C1orf21: variants seen among roughly 807,000 people sequenced by gnomAD.
C1orf21 encodes uncharacterized protein C1orf21.
A neutral mutation model predicts 18.7 loss-of-function variants in C1orf21; 3 were observed. The observed-to-expected ratio is 0.16, with a 90% CI of 0.07 to 0.42. The LOEUF (loss-of-function observed/expected upper bound fraction) is 0.42, where lower values mean the gene tolerates loss of function less well. Among genes scored for constraint, C1orf21 ranks in the 10% least tolerant of loss-of-function variants. The pLI is 0.99. For synonymous variants in C1orf21, 41 were observed against 46.4 expected (o/e 0.88, Z 0.47); for missense variants, 104 against 143.6 (o/e 0.72, Z 1.41).
Position 184,619,630 on chromosome 1 carries a change from G to A in C1orf21, c.*74G>A. 1 of 1,454,642 alleles carries A rather than the reference G, an allele frequency of 6.9e-7. No individual in the cohort carries two copies. The highest frequency in any genetic ancestry group is 9.5e-7 in the Non-Finnish European group (1 of 1,049,924). 90.1% of individuals were successfully genotyped at this position (1,454,642 alleles called of 1,614,324 possible). On this transcript the variant is annotated 3_prime_UTR_variant, in exon 6 of 6. Coordinates refer to ENST00000235307, the MANE Select transcript of C1orf21 (RefSeq NM_030806.4). ...ACACCCCAGTTGAAATCTTTGCAAA[G>A]GTCGGTTCTATTCAGCGAACAGCAC...
At chr1:184,549,848 A>G (rs768145065) in intron 3 of C1orf21, among the ~76,000 whole-genome samples, 40 of 152,136 alleles carry the variant, frequency 2.6e-4, no homozygotes, top group Non-Finnish European at 4.8e-4. Context: ...TAATGTATAA[A>G]TGTTTTTATA....
chr1:184,396,676 C>T (rs763405409), intron 1 of C1orf21, among the ~76,000 whole-genome samples: 2 of 152,116 alleles, frequency 1.3e-5, no homozygotes, highest in African/African-American at 2.4e-5. Flanking sequence ...ATCATTTTCT[C>T]GGAATCATTC....
At chr1:184,596,466 C>T (rs573095991) in intron 4 of C1orf21, among the ~76,000 whole-genome samples, 6 of 152,168 alleles carry the variant, frequency 3.9e-5, no homozygotes, top group South Asian at 2.1e-4. Flanking sequence ...CCACAATGAA[C>T]GTCAAATCCT....
rs1341043813 is a variant in C1orf21 at position 184,626,843 on chromosome 1, A to G, written c.*7287A>G. ...GGTCAGCATGACCTTCTTTAGAGCC[A>G]CTAAGGCGAAAAATACCGTTTGGGA... is the stretch of plus-strand genomic sequence containing the variant. On this transcript the variant is annotated 3_prime_UTR_variant, in exon 6 of 6. Coordinates refer to ENST00000235307, the MANE Select transcript of C1orf21 (RefSeq NM_030806.4). 1 of 152,582 alleles carries G rather than the reference A, an allele frequency of 6.6e-6. No homozygotes were observed. The highest frequency in any genetic ancestry group is 2.1e-4 in the South Asian group (1 of 4,830). 9.5% of individuals were successfully genotyped at this position (152,582 alleles called of 1,614,324 possible).
intron 3 of C1orf21, among the ~76,000 whole-genome samples, chr1:184,515,326 T>A (rs920694459): frequency 6.6e-6 from 1 of 152,176 alleles, no homozygotes; most frequent in African/African-American, 2.4e-5. Flanking sequence ...GAGATAACAA[T>A]AATAAAAGTC....
chr1:184,503,068 A>G (rs760102616), intron 2 of C1orf21, among the ~76,000 whole-genome samples: 262 of 136,716 alleles, frequency 1.9e-3, no homozygotes, highest in Non-Finnish European at 3.2e-3. Context: ...ACAGGGTAAG[A>G]AACTGTCTCA....
intron 5 of C1orf21, among the ~76,000 whole-genome samples, chr1:184,598,958 G>A (rs1571296307): frequency 6.6e-6 from 1 of 152,330 alleles, no homozygotes; most frequent in Non-Finnish European, 1.5e-5. Context: ...GAATGCTTGA[G>A]TAATTTACCC....
At chr1:184,428,919 C>G (rs977214338) in intron 1 of C1orf21, among the ~76,000 whole-genome samples, 2 of 152,112 alleles carry the variant, frequency 1.3e-5, no homozygotes, top group Non-Finnish European at 2.9e-5. Context: ...AGGATCTGGT[C>G]AGGAAAATGG....
At chr1:184,569,616 G>C in intron 3 of C1orf21, among the ~76,000 whole-genome samples, 1 of 152,168 alleles carries the variant, frequency 6.6e-6, no homozygotes, top group South Asian at 2.1e-4. Flanking sequence ...AAGCTACTTG[G>C]GAGGCCAAGG....
chr1:184,402,190 A>G (rs987174515), intron 1 of C1orf21, among the ~76,000 whole-genome samples: 2 of 152,224 alleles, frequency 1.3e-5, no homozygotes, highest in Non-Finnish European at 2.9e-5. Context: ...CAGTAGCCAC[A>G]TATGGTTAAT....
intron 3 of C1orf21, among the ~76,000 whole-genome samples, chr1:184,516,592 C>G (rs930980101): frequency 6.6e-6 from 1 of 152,182 alleles, no homozygotes; most frequent in Admixed American, 6.5e-5. Flanking sequence ...CAAGGAGGAG[C>G]AAGTCCCATC....
At chr1:184,411,282 A>G (rs6424951) in intron 1 of C1orf21, among the ~76,000 whole-genome samples, 13,987 of 152,108 alleles carry the variant, frequency 0.092, 1,963 homozygotes, top group African/African-American at 0.3. Context: ...ATAATTAAGA[A>G]TATTTATTTG....
At chr1:184,473,342 C>A (rs1657522226) in intron 1 of C1orf21, among the ~76,000 whole-genome samples, 1 of 152,148 alleles carries the variant, frequency 6.6e-6, no homozygotes, top group African/African-American at 2.4e-5. Context: ...GTCGTGGTCT[C>A]TGCATGCTTG....
chr1:184,438,303 C>T (rs956641128), intron 1 of C1orf21, among the ~76,000 whole-genome samples: 3 of 152,024 alleles, frequency 2.0e-5, no homozygotes, highest in Non-Finnish European at 4.4e-5. Context: ...AATTTTCATT[C>T]TCCAGTTATA....
chr1:184,429,003 C>T (rs1656688966), intron 1 of C1orf21, among the ~76,000 whole-genome samples: 1 of 152,166 alleles, frequency 6.6e-6, no homozygotes, highest in Non-Finnish European at 1.5e-5. Flanking sequence ...TCTGATCCTA[C>T]CCCTGGCTCC....
At chr1:184,401,736 AAATAC>A (rs1656155428) in intron 1 of C1orf21, among the ~76,000 whole-genome samples, 1 of 151,928 alleles carries the variant, frequency 6.6e-6, no homozygotes, top group African/African-American at 2.4e-5. Context: ...AGACATATGT[AAATAC>A]AATACATGTG....
chr1:184,527,270 C>A (rs1571399531), intron 3 of C1orf21, among the ~76,000 whole-genome samples: 1 of 152,124 alleles, frequency 6.6e-6, no homozygotes, highest in Non-Finnish European at 1.5e-5. Context: ...AGTGTGGCAG[C>A]TATGCTTAGA....
chr1:184,623,784 T>C lies in C1orf21; in HGVS notation c.*4228T>C, dbSNP rs532835921. The stretch of plus-strand genomic sequence containing the variant: ...CTTGACTTTGGCAGTCACCTTTTTG[T>C]ATGTCTCTAGAAAGGGGTCAAAAAA... On this transcript the variant is annotated 3_prime_UTR_variant, in exon 6 of 6. Coordinates refer to ENST00000235307, the MANE Select transcript of C1orf21 (RefSeq NM_030806.4). 6.5e-5 allele frequency: 10 copies of C among 152,732 alleles called. No individual in the cohort carries two copies. The highest frequency in any genetic ancestry group is 2.2e-4 in the African/African-American group (9 of 41,552). The allele number at this position is 152,732 out of a possible 1,614,324, so 9.5% of individuals were successfully genotyped here.
At chr1:184,498,165 C>T (rs1009783334) in intron 2 of C1orf21, among the ~76,000 whole-genome samples, 3 of 152,202 alleles carry the variant, frequency 2.0e-5, no homozygotes, top group African/African-American at 7.2e-5. Context: ...ACTAGCCCAT[C>T]TGGCCAAAGG....
Sources: allele counts gnomAD v4.1 joint callset (sites outside exome capture counted in the v4.1 genomes callset), GRCh38; gene constraint gnomAD v4.1.1; transcripts MANE v1.5; gene names NCBI Gene and HGNC (gene_info 2026-07-23, HGNC 2026-07-21).